Variants in KYNU observed in about 807,000 individuals in gnomAD.
KYNU encodes the protein L-kynurenine hydrolase.
A neutral mutation model predicts 59.2 loss-of-function variants in KYNU; 54 were observed. That is an observed-to-expected ratio of 0.91 (90% CI 0.73 to 1.14). The LOEUF is 1.14. KYNU is among the 50% of genes most tolerant of loss of function. The pLI, the probability that KYNU is intolerant of heterozygous loss-of-function variation, is 0.00. For synonymous variants in KYNU, 177 were observed against 192.0 expected, an observed-to-expected ratio of 0.92 and a Z score of 0.65; for missense variants, 567 against 554.4, an observed-to-expected ratio of 1.02 and a Z score of -0.23.
intron 10 of KYNU, among the ~76,000 whole-genome samples, chr2:143,027,739 C>T (rs1686618506): frequency 1.3e-5 from 2 of 151,972 alleles, no homozygotes; most frequent in Admixed American, 1.3e-4. Context: ...TTAGAAATTT[C>T]TGTTTTGAAA....
chr2:143,033,216 A>ACATGATAT lies in KYNU; in HGVS notation c.956-19_956-12dup. On this transcript the variant is annotated intron_variant, in intron 11 of 13. Transcript: ENST00000264170. ...TTTAAAGTTACCTTCTATGATAATG[A>ACATGATAT]CATGATATTAATTTCTCAGAACTGC... 6.6e-7 allele frequency: 1 copy of ACATGATAT among 1,521,758 alleles called. No individual in the cohort carries two copies. The highest frequency in any genetic ancestry group is 1.1e-5 in the South Asian group (1 of 89,180). 94.3% of individuals were successfully genotyped at this position (1,521,758 alleles called of 1,614,324 possible).
At position 143,042,630 on chromosome 2, in the gene KYNU, A is replaced by C. The variant is rs13019411; in HGVS notation, c.*458A>C. The C allele has an allele frequency of 8.5e-6, 1 of 118,124 alleles. No individual in the cohort carries two copies. The highest frequency in any genetic ancestry group is 1.6e-5 in the Non-Finnish European group (1 of 61,200). The allele number at this position is 118,124 out of a possible 1,614,324, so 7.3% of individuals were successfully genotyped here. The stretch of plus-strand genomic sequence containing the variant: ...TATATATATATATATATATATATAT[A>C]TGTGTGTGTGTGTGTGTGTATATAT... On this transcript the variant is annotated 3_prime_UTR_variant, in exon 14 of 14. Coordinates refer to ENST00000264170, the MANE Select transcript of KYNU (RefSeq NM_003937.3).
intron 10 of KYNU, among the ~76,000 whole-genome samples, chr2:143,015,516 T>C (rs1323148156): frequency 6.6e-6 from 1 of 152,154 alleles, no homozygotes; most frequent in East Asian, 1.9e-4. Flanking sequence ...TAATATATTA[T>C]CAGGTCAAGA....
At chr2:142,882,384 G>C (rs967729236) in intron 1 of KYNU, among the ~76,000 whole-genome samples, 2 of 151,460 alleles carry the variant, frequency 1.3e-5, no homozygotes, top group African/African-American at 4.9e-5. Flanking sequence ...CAACGTGTAG[G>C]TTTGTTATAT....
Position 142,885,496 on chromosome 2 carries a change from G to A in KYNU, c.129G>A (p.Arg43=). The part of the protein sequence containing the change: ...LDEEDKLRHF[R]ECFYIPKIQD... ...AGGAAGATAAGCTGAGGCACTTCAG[G>A]GAGTGCTTTTATATTCCCAAAATAC... is the stretch of plus-strand genomic sequence containing the variant. The change falls in exon 2 of 14, where the codon AGG becomes AGA. Residue 43 remains arginine, a synonymous_variant. Coordinates refer to ENST00000264170, the MANE Select transcript of KYNU (RefSeq NM_003937.3). 1 of 1,613,882 alleles carries A rather than the reference G, an allele frequency of 6.2e-7. No homozygotes were observed. Among genetic ancestry groups the A allele is most frequent in the Non-Finnish European group, 8.5e-7 (1 of 1,180,018 alleles).
intron 7 of KYNU, among the ~76,000 whole-genome samples, chr2:142,958,779 C>G (rs1684248605): frequency 1.3e-5 from 2 of 152,132 alleles, no homozygotes; most frequent in Admixed American, 6.5e-5. Flanking sequence ...GGGCCGTATC[C>G]TGTCGTTGAA....
intron 4 of KYNU, among the ~76,000 whole-genome samples, chr2:142,949,336 CTG>C (rs1444894059): frequency 6.6e-6 from 1 of 152,246 alleles, no homozygotes; most frequent in Non-Finnish European, 1.5e-5. Context: ...AGTAGGTACA[CTG>C]TGTGGGGGCT....
chr2:143,001,807 C>T (rs1211707570), intron 10 of KYNU, among the ~76,000 whole-genome samples: 3 of 152,170 alleles, frequency 2.0e-5, no homozygotes, highest in Non-Finnish European at 4.4e-5. Context: ...AGAATATCTA[C>T]CTCAAAGTGG....
At chr2:142,994,283 T>C (rs1685478519) in intron 10 of KYNU, among the ~76,000 whole-genome samples, 1 of 152,044 alleles carries the variant, frequency 6.6e-6, no homozygotes, top group African/African-American at 2.4e-5. Context: ...GTCCTGGTAC[T>C]TCCAACACTG....
intron 3 of KYNU, among the ~76,000 whole-genome samples, chr2:142,925,433 GC>G (rs199987364): frequency 0.016 from 2,364 of 152,288 alleles, 33 homozygotes; most frequent in Non-Finnish European, 0.025. Flanking sequence ...TACACCACAT[GC>G]TGATGAAGGT....
At chr2:142,986,060 A>G in intron 10 of KYNU, 39 bp downstream of exon 10, 1 of 1,369,798 alleles carries the variant, frequency 7.3e-7, no homozygotes, top group Non-Finnish European at 1.0e-6. Flanking sequence ...GTGATGAACA[A>G]ATTAATTTGC....
At chr2:143,038,314 A>G (rs1472341599) in intron 12 of KYNU, among the ~76,000 whole-genome samples, 1 of 152,122 alleles carries the variant, frequency 6.6e-6, no homozygotes, top group Non-Finnish European at 1.5e-5. Flanking sequence ...TTTTATTCCA[A>G]ACTTCACAGC....
At chr2:142,991,936 A>G (rs993943239) in intron 10 of KYNU, among the ~76,000 whole-genome samples, 4 of 151,952 alleles carry the variant, frequency 2.6e-5, no homozygotes, top group African/African-American at 9.7e-5. Flanking sequence ...AATATTCACT[A>G]ATAAACTCCC....
At chr2:143,026,189 A>G (rs1214129964) in intron 10 of KYNU, among the ~76,000 whole-genome samples, 1 of 152,226 alleles carries the variant, frequency 6.6e-6, no homozygotes, top group Non-Finnish European at 1.5e-5. Flanking sequence ...AATCACACTC[A>G]AAATATTGTG....
intron 10 of KYNU, among the ~76,000 whole-genome samples, chr2:143,022,900 C>T (rs1230430313): frequency 1.3e-5 from 2 of 151,540 alleles, no homozygotes; most frequent in Non-Finnish European, 3.0e-5. Flanking sequence ...ATTGGTATTC[C>T]TCTCCCTCAC....
chr2:142,878,727 TG>T (rs1474247303), intron 1 of KYNU, among the ~76,000 whole-genome samples: 1 of 152,212 alleles, frequency 6.6e-6, no homozygotes. Context: ...ACTTTAAAGT[TG>T]TAGCTGTCTA....
chr2:142,885,417 C>T lies in KYNU; in HGVS notation c.50C>T (p.Ala17Val), dbSNP rs770963937. The T allele has an allele frequency of 9.9e-6, 16 of 1,613,802 alleles. No homozygotes were observed. The highest frequency in any genetic ancestry group is 1.7e-5 in the Admixed American group (1 of 60,010). ...ELPADTVQRI[A>V]AELKCHPTDE... is the part of the protein sequence containing the mutation. ...CCGGCTGACACAGTGCAGCGCATTG[C>T]GGCTGAACTCAAATGCCACCCAACG... The change falls in exon 2 of 14, where the codon GCG (alanine) becomes GTG (valine). Residue 17 changes from alanine (A) to valine (V), a missense_variant. Physicochemically the swap from Ala to Val is moderately conservative, Grantham distance 64. Coordinates refer to ENST00000264170, the MANE Select transcript of KYNU (RefSeq NM_003937.3).
chr2:142,957,907 C>T, intron 7 of KYNU, 192 bp downstream of exon 7: 1 of 540,768 alleles, frequency 1.8e-6, no homozygotes, highest in East Asian at 3.2e-5. Context: ...TATTTATTTT[C>T]ATTTTTCAAG....
intron 4 of KYNU, among the ~76,000 whole-genome samples, chr2:142,933,623 T>C (rs1284051789): frequency 6.6e-6 from 1 of 152,116 alleles, no homozygotes; most frequent in African/African-American, 2.4e-5. Context: ...GGGTGCATAA[T>C]TGTGCTTTCT....
Sources: allele counts gnomAD v4.1 joint callset (sites outside exome capture counted in the v4.1 genomes callset), GRCh38; gene constraint gnomAD v4.1.1; transcripts MANE v1.5; gene names NCBI Gene and HGNC (gene_info 2026-07-23, HGNC 2026-07-21).